Variants in NYAP2 observed in about 807,000 individuals in gnomAD.
NYAP2 encodes neuronal tyrosine-phosphorylated phosphoinositide-3-kinase adaptor 2.
A neutral mutation model predicts 50.4 loss-of-function variants in NYAP2; 23 were observed. The observed-to-expected ratio is 0.46, with a 90% CI of 0.33 to 0.65. The LOEUF (loss-of-function observed/expected upper bound fraction) is 0.65. NYAP2 is among the 30% of genes least tolerant of loss of function. The probability of loss-of-function intolerance (pLI) is 0.02; values close to 1 mark genes in which losing one functional copy is unlikely to be tolerated. For missense variants in NYAP2, 885 were observed against 861.0 expected (o/e 1.03, Z -0.35); for synonymous variants, 394 against 365.2 (o/e 1.08, Z -0.90).
chr2:225,445,776 T>G (rs2106143970), intron 3 of NYAP2, among the ~76,000 whole-genome samples: 1 of 152,230 alleles, frequency 6.6e-6, no homozygotes, highest in African/African-American at 2.4e-5. Context: ...TATAAAATAT[T>G]ACAAAGAAGA....
chr2:225,659,960 A>C, the NYAP2 span, among the ~76,000 whole-genome samples: 2 of 152,148 alleles, frequency 1.3e-5, no homozygotes, highest in African/African-American at 4.8e-5. Flanking sequence ...TGATTGGTCC[A>C]CCCCACTATC....
intron 3 of NYAP2, among the ~76,000 whole-genome samples, chr2:225,478,336 A>C (rs1391491700): frequency 6.6e-6 from 1 of 152,002 alleles, no homozygotes; most frequent in East Asian, 1.9e-4. Context: ...CAGGAAGAAG[A>C]AGCCAGTCTC....
chr2:225,646,639 T>C (rs1401499617), intron 6 of NYAP2, among the ~76,000 whole-genome samples: 3 of 152,240 alleles, frequency 2.0e-5, no homozygotes, highest in African/African-American at 7.2e-5. Flanking sequence ...CCAGTGTATG[T>C]ATGTGTACAT....
intron 6 of NYAP2, among the ~76,000 whole-genome samples, chr2:225,650,511 C>T (rs1693711528): frequency 6.6e-6 from 1 of 152,080 alleles, no homozygotes; most frequent in South Asian, 2.1e-4. Flanking sequence ...TGTGGAGAAC[C>T]TTAGGTTTCT....
At chr2:225,566,248 T>C (rs973368273) in intron 4 of NYAP2, among the ~76,000 whole-genome samples, 1 of 152,196 alleles carries the variant, frequency 6.6e-6, no homozygotes, top group African/African-American at 2.4e-5. Flanking sequence ...CTAAAGGAAA[T>C]GTTAGCACAC....
intron 3 of NYAP2, among the ~76,000 whole-genome samples, chr2:225,457,174 C>T (rs1470726311): frequency 1.3e-5 from 2 of 152,194 alleles, no homozygotes; most frequent in African/African-American, 4.8e-5. Flanking sequence ...AATGTACATC[C>T]TGTGCTTTTC....
At chr2:225,419,590 T>G (rs765011914) in intron 3 of NYAP2, among the ~76,000 whole-genome samples, 8 of 152,312 alleles carry the variant, frequency 5.3e-5, no homozygotes, top group Admixed American at 2.0e-4. Flanking sequence ...GAATTGGAAA[T>G]AACAATCTTC....
intron 2 of NYAP2, among the ~76,000 whole-genome samples, chr2:225,402,838 T>C: frequency 6.6e-6 from 1 of 152,014 alleles, no homozygotes; most frequent in Middle Eastern, 3.2e-3. Flanking sequence ...AGTGAAATTA[T>C]AGGAGTAATG....
rs183716824 is a variant in NYAP2, at chr2:225,507,965, G to A, written c.222-5406G>A. On this transcript the variant is annotated intron_variant, in intron 3 of 6. Coordinates refer to ENST00000636099, the Ensembl canonical transcript of NYAP2. ...TTCCAGTGCACAAATGTCCAGGCCT[G>A]TCTACTAGCCAATAATTTGTTTGGT... 2.6e-3 allele frequency among the ~76,000 whole-genome samples: 395 copies of A among 152,272 alleles called. 2 individuals carry two copies. Among genetic ancestry groups the A allele is most frequent in the Non-Finnish European group, 2.1e-3 (141 of 68,012 alleles).
chr2:225,664,521 T>C, the NYAP2 span, among the ~76,000 whole-genome samples: 1 of 152,290 alleles, frequency 6.6e-6, no homozygotes, highest in African/African-American at 2.4e-5. Flanking sequence ...CCTCAGCTAG[T>C]TACTTACAAG....
chr2:225,500,606 GAGCATTATTTCATTAAATCTT>G (rs1690587992), intron 3 of NYAP2, among the ~76,000 whole-genome samples: 1 of 152,132 alleles, frequency 6.6e-6, no homozygotes, highest in Non-Finnish European at 1.5e-5. Flanking sequence ...AAGAAATTTA[GAGCATTATTTCATTAAATCTT>G]AAGACACTAT....
chr2:225,548,784 G>A (rs962255616), intron 4 of NYAP2, among the ~76,000 whole-genome samples: 10 of 152,126 alleles, frequency 6.6e-5, no homozygotes, highest in Non-Finnish European at 1.0e-4. Context: ...TTCATTCTAA[G>A]GGACAACTTT....
chr2:225,545,903 C>T (rs1483735903), intron 4 of NYAP2, among the ~76,000 whole-genome samples: 1 of 152,136 alleles, frequency 6.6e-6, no homozygotes, highest in African/African-American at 2.4e-5. Flanking sequence ...TTAGGGAGCA[C>T]CCTAAGCCCA....
At chr2:225,686,942 A>G in the NYAP2 span, among the ~76,000 whole-genome samples, 1 of 152,116 alleles carries the variant, frequency 6.6e-6, no homozygotes, top group Admixed American at 6.5e-5. Flanking sequence ...CCAGCAGCAA[A>G]CTTAACAGCC....
chr2:225,539,657 T>C (rs187212796), intron 4 of NYAP2, among the ~76,000 whole-genome samples: 1 of 152,214 alleles, frequency 6.6e-6, no homozygotes, highest in Non-Finnish European at 1.5e-5. Flanking sequence ...GAGAAGTGTC[T>C]GTTCATCTCC....
chr2:225,438,990 G>A (rs558913232), intron 3 of NYAP2, among the ~76,000 whole-genome samples: 2 of 152,318 alleles, frequency 1.3e-5, no homozygotes, highest in African/African-American at 4.8e-5. Flanking sequence ...GAGATGTGCT[G>A]GAGGGAAAGC....
intron 4 of NYAP2, among the ~76,000 whole-genome samples, chr2:225,521,917 G>A (rs1448217756): frequency 1.3e-5 from 2 of 151,956 alleles, no homozygotes; most frequent in African/African-American, 4.8e-5. Context: ...ACTCTTTTTT[G>A]TTGGTAAGCT....
intron 3 of NYAP2, among the ~76,000 whole-genome samples, chr2:225,453,910 C>T (rs186888853): frequency 4.1e-4 from 61 of 150,156 alleles, no homozygotes; most frequent in Admixed American, 1.9e-3. Flanking sequence ...CTCCTGACCT[C>T]AAATGATCTT....
At chr2:225,670,968 G>A in the NYAP2 span, among the ~76,000 whole-genome samples, 5 of 152,082 alleles carry the variant, frequency 3.3e-5, no homozygotes, top group East Asian at 9.7e-4. Flanking sequence ...AAATGCTAAC[G>A]ATCATCTGAG....
Sources: gnomAD v4.1 joint callset for allele counts (sites outside exome capture counted in the v4.1 genomes callset) on GRCh38, gnomAD v4.1.1 for gene constraint, MANE v1.5 for transcripts, NCBI Gene and HGNC (gene_info 2026-07-23, HGNC 2026-07-21) for gene names.